EXOC4: variants seen among roughly 807,000 people sequenced by gnomAD.
EXOC4 encodes exocyst complex component 4, also known as SEC8-like 1.
A neutral mutation model predicts 107.2 loss-of-function variants in EXOC4; 71 were observed. The observed-to-expected ratio is 0.66, with a 90% confidence interval of 0.55 to 0.81. The LOEUF (loss-of-function observed/expected upper bound fraction) is 0.81, where lower values mean the gene tolerates loss of function less well. Ranked by LOEUF, EXOC4 falls within the 30% of genes least tolerant of loss-of-function variation. The pLI, the probability that EXOC4 is intolerant of heterozygous loss-of-function variation, is 0.00. For synonymous variants in EXOC4, 456 were observed against 441.2 expected, an observed-to-expected ratio of 1.03 and a Z score of -0.42; for missense variants, 1,108 against 1,189.6, an observed-to-expected ratio of 0.93 and a Z score of 1.01.
intron 1 of EXOC4, among the ~76,000 whole-genome samples, chr7:133,268,708 T>A (rs1479317751): frequency 6.6e-6 from 1 of 152,196 alleles, no homozygotes; most frequent in Non-Finnish European, 1.5e-5. Flanking sequence ...TAATGCTTGT[T>A]TATGGGACTC....
intron 17 of EXOC4, among the ~76,000 whole-genome samples, chr7:134,014,680 T>C (rs1353292970): frequency 6.6e-6 from 1 of 152,146 alleles, no homozygotes; most frequent in Admixed American, 6.5e-5. Context: ...GAAAATGCAC[T>C]AAACTAGATT....
intron 12 of EXOC4, among the ~76,000 whole-genome samples, chr7:133,902,695 A>G (rs1433201479): frequency 6.6e-6 from 1 of 151,938 alleles, no homozygotes; most frequent in African/African-American, 2.4e-5. Context: ...TCTACTAAAA[A>G]CGCCAAAAAA....
At chr7:133,919,534 C>G (rs891151871) in intron 13 of EXOC4, among the ~76,000 whole-genome samples, 1 of 151,976 alleles carries the variant, frequency 6.6e-6, no homozygotes, top group Non-Finnish European at 1.5e-5. Flanking sequence ...CCTATTCATC[C>G]CTCCCTCCCT....
chr7:134,077,269 C>T, the EXOC4 span, among the ~76,000 whole-genome samples: 1 of 152,144 alleles, frequency 6.6e-6, no homozygotes, highest in Non-Finnish European at 1.5e-5. Context: ...TGTCCCAACT[C>T]AAAGAAAGAA....
chr7:133,939,052 A>G (rs1050096183), intron 14 of EXOC4, among the ~76,000 whole-genome samples: 1 of 152,198 alleles, frequency 6.6e-6, no homozygotes, highest in Non-Finnish European at 1.5e-5. Context: ...GTCCAGACCA[A>G]AAGACAGATT....
intron 14 of EXOC4, among the ~76,000 whole-genome samples, chr7:133,996,243 A>G (rs555201170): frequency 2.9e-4 from 44 of 152,312 alleles, no homozygotes; most frequent in African/African-American, 1.0e-3. Context: ...TATAGATACT[A>G]TTACCCTCAC....
intron 10 of EXOC4, among the ~76,000 whole-genome samples, chr7:133,688,732 A>G (rs1295673694): frequency 2.7e-5 from 4 of 149,014 alleles, no homozygotes; most frequent in Admixed American, 1.3e-4. Flanking sequence ...GTCTAGGCCT[A>G]TTTTTTTTTT....
chr7:134,022,871 G>A (rs369772596), intron 17 of EXOC4, among the ~76,000 whole-genome samples: 11 of 152,194 alleles, frequency 7.2e-5, no homozygotes, highest in Non-Finnish European at 1.0e-4. Flanking sequence ...AATAATTCAT[G>A]TTAATCTTGT....
chr7:133,517,966 T>C (rs1297616465), intron 9 of EXOC4, among the ~76,000 whole-genome samples: 2 of 152,006 alleles, frequency 1.3e-5, no homozygotes, highest in African/African-American at 4.8e-5. Flanking sequence ...GACTCGACTA[T>C]GTAGTTCTTA....
chr7:133,918,633 T>G (rs1389808936), intron 13 of EXOC4, among the ~76,000 whole-genome samples: 1 of 152,222 alleles, frequency 6.6e-6, no homozygotes, highest in African/African-American at 2.4e-5. Flanking sequence ...TTGCCTTTGT[T>G]CAATTTAAAT....
intron 7 of EXOC4, among the ~76,000 whole-genome samples, chr7:133,425,804 C>T (rs528017377): frequency 5.3e-5 from 8 of 152,288 alleles, no homozygotes; most frequent in East Asian, 3.9e-4. Flanking sequence ...CTCCTAACCC[C>T]GCCATTCATT....
intron 5 of EXOC4, among the ~76,000 whole-genome samples, chr7:133,337,779 G>A (rs1351543172): frequency 6.6e-6 from 1 of 151,454 alleles, no homozygotes; most frequent in Non-Finnish European, 1.5e-5. Context: ...GACTAGGTGT[G>A]TGCCATCATG....
intron 12 of EXOC4, among the ~76,000 whole-genome samples, chr7:133,896,914 C>T (rs1469033449): frequency 9.3e-6 from 1 of 107,680 alleles, no homozygotes; most frequent in Non-Finnish European, 1.8e-5. Flanking sequence ...CCGCCCACCT[C>T]GGTCTCCCAA....
intron 11 of EXOC4, among the ~76,000 whole-genome samples, chr7:133,889,511 C>T (rs1045920778): frequency 5.6e-5 from 8 of 143,438 alleles, no homozygotes; most frequent in South Asian, 2.3e-4. Flanking sequence ...CATGCTGGTG[C>T]GCTGCACCCA....
chr7:133,976,761 G>A (rs533047750), intron 14 of EXOC4, among the ~76,000 whole-genome samples: 2 of 152,178 alleles, frequency 1.3e-5, no homozygotes, highest in African/African-American at 4.8e-5. Flanking sequence ...ACCTTTGTTT[G>A]GTTTACAAAT....
chr7:133,467,390 C>G (rs1348145897), intron 7 of EXOC4, among the ~76,000 whole-genome samples: 1 of 151,936 alleles, frequency 6.6e-6, no homozygotes, highest in Non-Finnish European at 1.5e-5. Flanking sequence ...TCTTCTTGCT[C>G]TCCTTCCTTT....
At chr7:133,591,563 T>TGCGC (rs1309226073) in intron 9 of EXOC4, among the ~76,000 whole-genome samples, 324 of 14,606 alleles carry the variant, frequency 0.022, 1 homozygote, top group Middle Eastern at 0.071. Flanking sequence ...TGTGTGTGTG[T>TGCGC]GTGTGCGTGT....
chr7:133,465,186 G>A (rs1293526305), intron 7 of EXOC4, among the ~76,000 whole-genome samples: 1 of 152,056 alleles, frequency 6.6e-6, no homozygotes, highest in African/African-American at 2.4e-5. Flanking sequence ...GAAAAGGGGA[G>A]AAAGCAATGT....
At chr7:133,398,040 CAT>C (rs1309698758) in intron 7 of EXOC4, among the ~76,000 whole-genome samples, 1 of 152,090 alleles carries the variant, frequency 6.6e-6, no homozygotes, top group Non-Finnish European at 1.5e-5. Flanking sequence ...TTTCAAAAGA[CAT>C]AAAAAAACCT....
Sources: allele counts gnomAD v4.1 joint callset (sites outside exome capture counted in the v4.1 genomes callset), GRCh38; gene constraint gnomAD v4.1.1; transcripts MANE v1.5; gene names NCBI Gene and HGNC (gene_info 2026-07-23, HGNC 2026-07-21).